The following IL1RAP variants were observed in gnomAD, a reference collection of about 807,000 sequenced individuals.
IL1RAP encodes interleukin-1 receptor accessory protein.
In IL1RAP, 35 loss-of-function variants were observed where a neutral mutation model predicts 60.7. The ratio of observed to expected loss-of-function variants is 0.58; its 90% CI spans 0.44 to 0.76. The LOEUF (loss-of-function observed/expected upper bound fraction) is 0.76. IL1RAP is among the 30% of genes least tolerant of loss of function. IL1RAP has a pLI of 0.00. For missense variants in IL1RAP, 572 were observed against 693.9 expected (o/e 0.82, Z 1.97); for synonymous variants, 268 against 250.9 (o/e 1.07, Z -0.64).
At chr3:190,652,960 T>C (rs976070435), downstream of IL1RAP, among the ~76,000 whole-genome samples, 1 of 152,212 alleles carries the variant, frequency 6.6e-6, no homozygotes, top group South Asian at 2.1e-4. Flanking sequence ...CACTAGCTCT[T>C]TAACGCAAGT....
chr3:190,565,171 A>G (rs1726273802), intron 3 of IL1RAP, among the ~76,000 whole-genome samples: 2 of 151,916 alleles, frequency 1.3e-5, no homozygotes, highest in African/African-American at 4.8e-5. Context: ...GGACTGAAAA[A>G]AAAAAAAGAA....
chr3:190,555,761 C>T lies in IL1RAP; in HGVS notation c.-88-369C>T, dbSNP rs1725359699. The T allele has an allele frequency of 1.3e-5, 2 of 152,192 alleles. 1 individual carries two copies. Among genetic ancestry groups the T allele is most frequent in the South Asian group, 4.1e-4 (2 of 4,836 alleles). The allele number at this position is 152,192 out of a possible 1,614,324, so 9.4% of individuals were successfully genotyped here. On this transcript the variant is annotated intron_variant, in intron 1 of 11. Transcript: ENST00000447382. ...TAGTTTCTCTCCCTCTTCCTCCAGA[C>T]TGTCCAGAGCATGATACATATTTGC...
chr3:190,627,597 C>T (rs1435294708), intron 8 of IL1RAP, 148 bp downstream of exon 8: 4 of 1,016,376 alleles, frequency 3.9e-6, no homozygotes, highest in Non-Finnish European at 5.5e-6. Context: ...TTGGTGATTG[C>T]ATCCCAAACC....
At chr3:190,539,662 T>C (rs1040229377) in intron 1 of IL1RAP, among the ~76,000 whole-genome samples, 1 of 150,984 alleles carries the variant, frequency 6.6e-6, no homozygotes, top group African/African-American at 2.4e-5. Flanking sequence ...AAAATTACAG[T>C]GTGTATAAAT....
intron 3 of IL1RAP, among the ~76,000 whole-genome samples, chr3:190,569,632 T>C (rs1358992279): frequency 6.6e-6 from 1 of 152,174 alleles, no homozygotes; most frequent in African/African-American, 2.4e-5. Flanking sequence ...CACACTTATA[T>C]TTTAGTTACT....
At chr3:190,633,481 A>G (rs913764539) in intron 9 of IL1RAP, among the ~76,000 whole-genome samples, 1 of 151,858 alleles carries the variant, frequency 6.6e-6, no homozygotes, top group Non-Finnish European at 1.5e-5. Flanking sequence ...CTCAGCCTCC[A>G]GAGTAGCTGC....
chr3:190,561,307 C>T (rs538338068), intron 2 of IL1RAP, among the ~76,000 whole-genome samples: 2 of 152,312 alleles, frequency 1.3e-5, no homozygotes, highest in East Asian at 1.9e-4. Flanking sequence ...ATCAGCCAGG[C>T]GCCTCCCAAT....
In IL1RAP at chr3:190,622,684, A is replaced by G. The variant is rs528204212; in HGVS notation, c.704-660A>G. Among the ~76,000 whole-genome samples the G allele has an allele frequency of 2.2e-3, 331 of 152,318 alleles. 1 individual carries two copies. Among genetic ancestry groups the G allele is most frequent in the African/African-American group, 7.1e-3 (297 of 41,564 alleles). On this transcript the variant is annotated intron_variant, in intron 6 of 11. Coordinates refer to ENST00000447382, the MANE Select transcript of IL1RAP (RefSeq NM_002182.4). The stretch of plus-strand genomic sequence containing the variant: ...GATTCAAATGAACATCCAGCTGAAG[A>G]GATACATAGGGGGAGTTCTGGAAGG...
chr3:190,623,210 C>G, intron 6 of IL1RAP, 134 bp from the exon 7 acceptor site: 1 of 675,216 alleles, frequency 1.5e-6, no homozygotes, highest in Non-Finnish European at 2.7e-6. Context: ...TTGAGTATAT[C>G]TTGGACTATA....
At chr3:190,623,476 T>C in intron 7 of IL1RAP, 61 bp downstream of exon 7, 1 of 1,226,414 alleles carries the variant, frequency 8.2e-7, no homozygotes, top group Admixed American at 1.7e-5. Flanking sequence ...GAATAAAATG[T>C]CATTTAAGTT....
In IL1RAP at chr3:190,592,012, G is replaced by A. The variant is rs192657564; in HGVS notation, c.65-12116G>A. 6.6e-5 allele frequency among the ~76,000 whole-genome samples: 10 copies of A among 152,136 alleles called. No homozygotes were observed. In the East Asian group the frequency reaches 1.5e-3, roughly 24 times the overall value. ...TACAGAAGAAGCATACTCAGAATTC[G>A]TTCTTTTGGTTTGTTTGTTTGTTTT... On this transcript the variant is annotated intron_variant, in intron 3 of 11. Transcript: ENST00000447382.
intron 8 of IL1RAP, 99 bp from the exon 9 acceptor site, chr3:190,629,251 G>C: frequency 1.3e-6 from 1 of 780,844 alleles, no homozygotes; most frequent in South Asian, 1.9e-5. Flanking sequence ...GCCCTCACCT[G>C]TAGTGGGGGT....
chr3:190,635,544 G>A (rs978267207), intron 9 of IL1RAP, among the ~76,000 whole-genome samples: 22 of 151,960 alleles, frequency 1.4e-4, no homozygotes, highest in Admixed American at 1.3e-3. Context: ...TTGAAATGTC[G>A]AGTTTTTGTT....
At chr3:190,608,015 T>G (rs1308347394) in intron 4 of IL1RAP, among the ~76,000 whole-genome samples, 1 of 152,196 alleles carries the variant, frequency 6.6e-6, no homozygotes, top group African/African-American at 2.4e-5. Context: ...AAAGGTTGCT[T>G]ATACCATTAT....
chr3:190,572,903 G>T (rs1230905434), intron 3 of IL1RAP, among the ~76,000 whole-genome samples: 2 of 35,784 alleles, frequency 5.6e-5, no homozygotes, highest in African/African-American at 1.2e-4. Flanking sequence ...TCGCTCTGTC[G>T]CCCAGGCTGG....
intron 3 of IL1RAP, among the ~76,000 whole-genome samples, chr3:190,603,048 G>A (rs1286001448): frequency 6.6e-6 from 1 of 151,480 alleles, no homozygotes; most frequent in African/African-American, 2.4e-5. Context: ...TTTTTTCTGA[G>A]TAGATGAGTG....
At chr3:190,528,513 A>G (rs1722701219) in intron 1 of IL1RAP, among the ~76,000 whole-genome samples, 1 of 152,220 alleles carries the variant, frequency 6.6e-6, no homozygotes, top group South Asian at 2.1e-4. Context: ...CTGCGTTAAT[A>G]AAAAGGGAGG....
chr3:190,634,286 ATTTTT>A (rs1178679157), intron 9 of IL1RAP, among the ~76,000 whole-genome samples: 1 of 135,142 alleles, frequency 7.4e-6, no homozygotes. Flanking sequence ...CATGTTAAGA[ATTTTT>A]TTTTTTTTTT....
chr3:190,532,462 C>T (rs1723074104), intron 1 of IL1RAP, among the ~76,000 whole-genome samples: 1 of 152,074 alleles, frequency 6.6e-6, no homozygotes, highest in Non-Finnish European at 1.5e-5. Context: ...CGGGGTTTCA[C>T]CGTGTTAGCC....
Sources: gnomAD v4.1 joint callset for allele counts (sites outside exome capture counted in the v4.1 genomes callset) on GRCh38, gnomAD v4.1.1 for gene constraint, MANE v1.5 for transcripts, NCBI Gene and HGNC (gene_info 2026-07-23, HGNC 2026-07-21) for gene names.